Variants in TBC1D4 observed in about 807,000 individuals in gnomAD.
The protein encoded by TBC1D4 is TBC1 domain family member 4, also known as TBC (Tre-2, BUB2, CDC16) domain-containing protein.
Under a neutral mutation model 142.5 loss-of-function variants are expected in TBC1D4, and 121 were observed. That is an observed-to-expected ratio of 0.85 (90% CI 0.73 to 0.99). TBC1D4 has a LOEUF of 0.99. TBC1D4 is among the 50% of genes least tolerant of loss of function. The pLI is 0.00. For synonymous variants in TBC1D4, 630 were observed against 628.2 expected (o/e 1.00, Z -0.04); for missense variants, 1,475 against 1,606.6 (o/e 0.92, Z 1.40).
intron 1 of TBC1D4, among the ~76,000 whole-genome samples, chr13:75,461,919 G>A (rs560223768): frequency 6.6e-6 from 1 of 152,280 alleles, no homozygotes; most frequent in African/African-American, 2.4e-5. Flanking sequence ...ATTAACATGA[G>A]CTTAGGCTAC....
intron 1 of TBC1D4, among the ~76,000 whole-genome samples, chr13:75,410,162 A>G (rs183843690): frequency 6.6e-6 from 1 of 152,308 alleles, no homozygotes; most frequent in Admixed American, 6.5e-5. Context: ...AATAAATGGT[A>G]CCTATAATTA....
intron 1 of TBC1D4, among the ~76,000 whole-genome samples, chr13:75,379,696 G>T (rs1333214988): frequency 6.6e-6 from 1 of 151,974 alleles, no homozygotes; most frequent in Non-Finnish European, 1.5e-5. Context: ...AAGTTCTTGA[G>T]TCCTTAAATA....
chr13:75,395,689 G>T lies in TBC1D4; in HGVS notation c.499-33082C>A, dbSNP rs552383630. ...CTACTAAAAATACAAAATCAGCCAG[G>T]TGTGGTGGCGCACACCTGTAGTCCC... On this transcript the variant is annotated intron_variant, in intron 1 of 20. Coordinates refer to ENST00000377636, the MANE Select transcript of TBC1D4 (RefSeq NM_014832.5). 2.6e-5 allele frequency among the ~76,000 whole-genome samples: 4 copies of T among 152,198 alleles called. No homozygotes were observed. The South Asian group carries it at 8.3e-4, about 32-fold the overall frequency.
chr13:75,312,464 C>T (rs1877871577), intron 13 of TBC1D4, among the ~76,000 whole-genome samples: 1 of 140,406 alleles, frequency 7.1e-6, no homozygotes, highest in Non-Finnish European at 1.6e-5. Flanking sequence ...GGACATACAG[C>T]TTCTTTCCTA....
rs1223413928 is a variant in TBC1D4 at position 75,324,271 on chromosome 13, CTGAATTCTGGTAAA to C, written c.2150_2163del (p.Phe717TrpfsTer2). 3.1e-6 allele frequency: 5 copies of C among 1,613,864 alleles called. No individual in the cohort carries two copies. The highest frequency in any genetic ancestry group is 4.2e-6 in the Non-Finnish European group (5 of 1,179,816). ...TTTTCATACTGTGGGGACAGTCTACCTGAATTCTGGTAAAAGCTTTTCAGGAAAGAGGGGGCAGT... is the reference window on the plus strand; with the variant it reads ...TTTTCATACTGTGGGGACAGTCTACCAGCTTTTCAGGAAAGAGGGGGCAGT... On this transcript the variant is annotated frameshift_variant, in exon 11 of 21. Transcript: ENST00000377636. LOFTEE classifies it high-confidence loss of function.
intron 1 of TBC1D4, among the ~76,000 whole-genome samples, chr13:75,400,828 A>G (rs1178640722): frequency 6.6e-6 from 1 of 152,052 alleles, no homozygotes; most frequent in Non-Finnish European, 1.5e-5. Context: ...AATTCCTCAC[A>G]AGGACACACA....
Position 75,416,462 on chromosome 13 carries a change from T to G in TBC1D4, c.499-53855A>C, listed in dbSNP as rs115038837. ...GCTCTGTATGATTTACAAAGATAACTAAGTGCTGACAGCTGAGACATCAGC... is the reference window on the plus strand; with the variant it reads ...GCTCTGTATGATTTACAAAGATAACGAAGTGCTGACAGCTGAGACATCAGC... On this transcript the variant is annotated intron_variant, in intron 1 of 20. Coordinates refer to ENST00000377636, the MANE Select transcript of TBC1D4 (RefSeq NM_014832.5). Among the ~76,000 whole-genome samples, 467 of 152,328 alleles carry G rather than the reference T, an allele frequency of 3.1e-3. 1 individual carries two copies. Among genetic ancestry groups the G allele is most frequent in the African/African-American group, 0.011 (449 of 41,576 alleles).
intron 1 of TBC1D4, among the ~76,000 whole-genome samples, chr13:75,477,573 A>G (rs1284318459): frequency 1.3e-5 from 2 of 152,108 alleles, no homozygotes; most frequent in East Asian, 1.9e-4. Context: ...AAAAATTAAC[A>G]TAACAAAGTC....
intron 1 of TBC1D4, among the ~76,000 whole-genome samples, chr13:75,450,678 A>T (rs1471241447): frequency 6.6e-6 from 1 of 152,188 alleles, no homozygotes; most frequent in Admixed American, 6.5e-5. Context: ...GCTTCCTTAA[A>T]TAGGCATGAT....
At chr13:75,409,700 T>C (rs1885512486) in intron 1 of TBC1D4, among the ~76,000 whole-genome samples, 1 of 152,350 alleles carries the variant, frequency 6.6e-6, no homozygotes, top group Non-Finnish European at 1.5e-5. Flanking sequence ...CTTTAATGAA[T>C]TTATATTCTG....
intron 1 of TBC1D4, among the ~76,000 whole-genome samples, chr13:75,466,864 T>C (rs1044114573): frequency 6.6e-6 from 1 of 150,882 alleles, no homozygotes; most frequent in African/African-American, 2.5e-5. Flanking sequence ...AGTGAGACTC[T>C]GTCTCAAAAA....
intron 8 of TBC1D4, among the ~76,000 whole-genome samples, chr13:75,330,867 G>C (rs1434631022): frequency 6.6e-6 from 1 of 152,172 alleles, no homozygotes; most frequent in Non-Finnish European, 1.5e-5. Flanking sequence ...GTGTAGCCAA[G>C]AGGAAAATAT....
chr13:75,476,245 A>G (rs1888626441), intron 1 of TBC1D4, among the ~76,000 whole-genome samples: 1 of 152,202 alleles, frequency 6.6e-6, no homozygotes, highest in African/African-American at 2.4e-5. Context: ...TCCACCTCAA[A>G]AAAATAAACA....
intron 1 of TBC1D4, among the ~76,000 whole-genome samples, chr13:75,453,761 C>G (rs931642031): frequency 6.6e-6 from 1 of 151,546 alleles, no homozygotes; most frequent in Non-Finnish European, 1.5e-5. Context: ...ACTCAGGAGG[C>G]TGAGATGGCA....
intron 4 of TBC1D4, among the ~76,000 whole-genome samples, chr13:75,352,792 T>C (rs112397820): frequency 0.022 from 3,404 of 152,296 alleles, 92 homozygotes; most frequent in Non-Finnish European, 0.031. Context: ...AATTGTGTAT[T>C]CTTGGTACTC....
chr13:75,421,225 G>C (rs1886153538), intron 1 of TBC1D4, among the ~76,000 whole-genome samples: 1 of 152,170 alleles, frequency 6.6e-6, no homozygotes, highest in African/African-American at 2.4e-5. Flanking sequence ...TCAGAACAGT[G>C]ACCATCGTCC....
chr13:75,444,538 T>A (rs938250384), intron 1 of TBC1D4, among the ~76,000 whole-genome samples: 5 of 152,190 alleles, frequency 3.3e-5, no homozygotes, highest in Non-Finnish European at 7.3e-5. Context: ...AATTTCACAT[T>A]ATAAATAAGA....
chr13:75,286,572 T>C lies in TBC1D4; in HGVS notation c.*220A>G. ...TATGTTCATTTTATATATATATTTA[T>C]ATGTACATAGCAACAACAAAAACCA... On this transcript the variant is annotated 3_prime_UTR_variant, in exon 21 of 21. Coordinates refer to ENST00000377636, the MANE Select transcript of TBC1D4 (RefSeq NM_014832.5). The C allele has an allele frequency of 2.0e-6, 1 of 512,226 alleles. No individual in the cohort carries two copies. Among genetic ancestry groups the C allele is most frequent in the Non-Finnish European group, 3.5e-6 (1 of 288,530 alleles). The allele number at this position is 512,226 out of a possible 1,614,324, so 31.7% of individuals were successfully genotyped here.
In TBC1D4 at chr13:75,310,045, A is replaced by G; in HGVS notation, c.2490T>C (p.Ile830=). The G allele has an allele frequency of 1.2e-6, 2 of 1,613,982 alleles. No individual in the cohort carries two copies. The highest frequency in any genetic ancestry group is 1.7e-6 in the Non-Finnish European group (2 of 1,179,984). ...GTTCTTTTGATTTCTTTCTTTCTTC[A>G]ATCTTTTCTGGGTCATCCTCCCCAG... ...FLSGEDDPEK[I]EERKKSKELR... The change falls in exon 14 of 21, where the codon ATT becomes ATC. Residue 830 remains isoleucine (I), a synonymous_variant. Coordinates refer to ENST00000377636, the MANE Select transcript of TBC1D4 (RefSeq NM_014832.5).
Sources: gnomAD v4.1 joint callset for allele counts (sites outside exome capture counted in the v4.1 genomes callset) on GRCh38, gnomAD v4.1.1 for gene constraint, MANE v1.5 for transcripts, NCBI Gene and HGNC (gene_info 2026-07-23, HGNC 2026-07-21) for gene names.